SEPTIN1: variants seen among roughly 807,000 people sequenced by gnomAD.
SEPTIN1 encodes the protein septin 1.
A neutral mutation model predicts 50.7 loss-of-function variants in SEPTIN1; 52 were observed. The observed-to-expected ratio is 1.03, with a 90% confidence interval of 0.82 to 1.29. SEPTIN1 has a LOEUF of 1.29. SEPTIN1 is among the 50% of genes most tolerant of loss of function. The pLI is 0.00. For synonymous variants in SEPTIN1, 204 were observed against 189.1 expected, an observed-to-expected ratio of 1.08 and a Z score of -0.65; for missense variants, 455 against 490.7, an observed-to-expected ratio of 0.93 and a Z score of 0.69.
At position 30,378,315 on chromosome 16, in the gene SEPTIN1, G is replaced by C. The variant is rs2049778349; in HGVS notation, c.*119C>G. The C allele has an allele frequency of 2.0e-6, 2 of 995,842 alleles. No homozygotes were observed. Among genetic ancestry groups the C allele is most frequent in the Non-Finnish European group, 1.4e-6 (1 of 693,150 alleles). 61.7% of individuals were successfully genotyped at this position (995,842 alleles called of 1,614,324 possible). A position where few individuals can be genotyped will look rare whatever the true frequency, so the allele number is the denominator to read the frequency against. ...CTCAGGCTGGGAGAACCTCCCCCTA[G>C]CCCGCGCGAGGGCGGCACCCGCGGA... On this transcript the variant is annotated 3_prime_UTR_variant, in exon 11 of 11. Transcript: ENST00000321367.
At chr16:30,380,759 G>A (rs1176987896) in intron 6 of SEPTIN1, 2 of 279,948 alleles carry the variant, frequency 7.1e-6, no homozygotes, top group Non-Finnish European at 1.4e-5. Context: ...CACAGAGTGA[G>A]ACTCTATCTA....
Position 30,381,431 on chromosome 16 carries a change from C to G in SEPTIN1, c.363G>C (p.Gln121His). The part of the protein sequence containing the change: ...VVKFIEEQFE[Q>H]YLRDESGLNR... ...TCAGGCCACTCTCATCCCTAAGGTA[C>G]TGCTCAAATTGCTCCTCGATGAATT... Residue 121 changes from glutamine to histidine, a missense_variant, in exon 5 of 11, where the codon CAG (glutamine) becomes CAC (histidine). Coordinates refer to ENST00000321367, the MANE Select transcript of SEPTIN1 (RefSeq NM_001365977.2). This position sits in a 1 kb window ranked among gnomAD's most constrained non-coding sequence, Gnocchi z 4.3. 1.2e-6 allele frequency: 2 copies of G among 1,614,032 alleles called. No homozygotes were observed. Among genetic ancestry groups the G allele is most frequent in the South Asian group, 1.1e-5 (1 of 91,072 alleles).
At chr16:30,378,575 G>T in intron 10 of SEPTIN1, 35 bp downstream of exon 10, 1 of 1,609,264 alleles carries the variant, frequency 6.2e-7, no homozygotes, top group Non-Finnish European at 8.5e-7. Flanking sequence ...GGGGACCTGG[G>T]GCATCGGTCG....
Position 30,382,423 on chromosome 16 carries a change from A to G in SEPTIN1, c.19-58T>C. 5.7e-6 allele frequency: 9 copies of G among 1,569,080 alleles called. No individual in the cohort carries two copies. Among genetic ancestry groups the G allele is most frequent in the Non-Finnish European group, 7.0e-6 (8 of 1,146,700 alleles). On this transcript the variant is annotated intron_variant, in intron 1 of 10. Transcript: ENST00000321367. The surrounding 1 kb of genome is among the most constrained non-coding windows in gnomAD (Gnocchi z 4.8). ...GGCAATGGCAGGCAGGGTCCCCAGG[A>G]TCACTTGAGTTCCTGGGCTAGGAAG...
rs1275377387 is a variant in SEPTIN1 at position 30,382,311 on chromosome 16, C to T, written c.73G>A (p.Val25Ile). 6.2e-7 allele frequency: 1 copy of T among 1,613,860 alleles called. No individual in the cohort carries two copies. The highest frequency in any genetic ancestry group is 1.7e-5 in the Admixed American group (1 of 59,992). Residue 25 changes from valine to isoleucine, a missense_variant, in exon 2 of 11, where the codon GTC (valine) becomes ATC (isoleucine). Coordinates refer to ENST00000321367, the MANE Select transcript of SEPTIN1 (RefSeq NM_001365977.2). The surrounding 1 kb of genome is among the most constrained non-coding windows in gnomAD (Gnocchi z 4.8). The stretch of plus-strand genomic sequence containing the variant: ...AGCGTGAAGTCAAACCCCTTCTTGA[C>T]AGACTTGCGGTGCAGCTGGTTGGGG... ...ALPNQLHRKS[V>I]KKGFDFTLMV... is the part of the protein sequence containing the mutation.
intron 8 of SEPTIN1, 54 bp downstream of exon 8, chr16:30,379,381 C>T: frequency 6.5e-7 from 1 of 1,527,896 alleles, no homozygotes; most frequent in Non-Finnish European, 9.1e-7. Flanking sequence ...TGCGCCTGAC[C>T]CAGAGGCCCC....
rs774584805 is a variant in SEPTIN1 at position 30,379,993 on chromosome 16, T to A, written c.614A>T (p.Gln205Leu). 1 of 1,612,188 alleles carries A rather than the reference T, an allele frequency of 6.2e-7. No individual in the cohort carries two copies. ...TTCATCAGAGTCACATTCGGGGAAC[T>A]GGTAGATGTGGATCTCCTCTTCCTT... The part of the protein sequence containing the change: ...QLKEEEIHIY[Q>L]FPECDSDEDE... Residue 205 changes from glutamine (Q) to leucine (L), a missense_variant, in exon 7 of 11, where the codon CAG becomes CTG. By Grantham distance (113) the Gln-to-Leu change is moderately radical. Coordinates refer to ENST00000321367, the MANE Select transcript of SEPTIN1 (RefSeq NM_001365977.2).
chr16:30,380,111 C>A, intron 6 of SEPTIN1, 78 bp from the exon 7 acceptor site: 1 of 1,196,246 alleles, frequency 8.4e-7, no homozygotes, highest in Non-Finnish European at 1.2e-6. Flanking sequence ...CAGTGAGACA[C>A]AGAGATACTG....
At position 30,381,538 on chromosome 16, in the gene SEPTIN1, C is replaced by G; in HGVS notation, c.321-65G>C. ...CCAGAGGGCAGGGGGCAAGGCTAGCCAGGACTGTGGGAGTAGAATGTCATT... is the reference window on the plus strand; with the variant it reads ...CCAGAGGGCAGGGGGCAAGGCTAGCGAGGACTGTGGGAGTAGAATGTCATT... On this transcript the variant is annotated intron_variant, in intron 4 of 10. Coordinates refer to ENST00000321367, the MANE Select transcript of SEPTIN1 (RefSeq NM_001365977.2). The surrounding 1 kb of genome is among the most constrained non-coding windows in gnomAD (Gnocchi z 4.3). 6.3e-7 allele frequency: 1 copy of G among 1,589,102 alleles called. No individual in the cohort carries two copies. Among genetic ancestry groups the G allele is most frequent in the Non-Finnish European group, 8.6e-7 (1 of 1,159,656 alleles).
Position 30,382,046 on chromosome 16 carries a change from A to G in SEPTIN1, c.196+47T>C. ...CCCAGATGGAAAAGACTAGGGTGTA[A>G]CCTGGGGACAGGGGCTACTGCCTCA... On this transcript the variant is annotated intron_variant, in intron 3 of 10. Coordinates refer to ENST00000321367, the MANE Select transcript of SEPTIN1 (RefSeq NM_001365977.2). The surrounding 1 kb of genome is among the most constrained non-coding windows in gnomAD (Gnocchi z 4.8). 1 of 1,586,878 alleles carries G rather than the reference A, an allele frequency of 6.3e-7. No individual in the cohort carries two copies. The highest frequency in any genetic ancestry group is 8.6e-7 in the Non-Finnish European group (1 of 1,164,336).
In SEPTIN1 at chr16:30,381,712, G is replaced by A. The variant is rs1367537670; in HGVS notation, c.320+48C>T. The A allele has an allele frequency of 1.2e-6, 2 of 1,607,114 alleles. No individual in the cohort carries two copies. Among genetic ancestry groups the A allele is most frequent in the East Asian group, 2.2e-5 (1 of 44,838 alleles). ...AACCAGTCCTGTAACTCTCCAGGGA[G>A]TCGCCACTGTGAAAGGCTGAGCCTC... On this transcript the variant is annotated intron_variant, in intron 4 of 10. Transcript: ENST00000321367. The surrounding 1 kb of genome is among the most constrained non-coding windows in gnomAD (Gnocchi z 4.3).
intron 9 of SEPTIN1, 37 bp from the exon 10 acceptor site, chr16:30,378,737 G>A: frequency 6.3e-7 from 1 of 1,585,652 alleles, no homozygotes; most frequent in Non-Finnish European, 8.6e-7. Context: ...AATCAGGAGC[G>A]GGACCTGAGG....
rs2049799850 is a variant in SEPTIN1, at chr16:30,379,057, C to A, written c.902G>T (p.Ser301Ile). 14 of 1,613,948 alleles carry A rather than the reference C, an allele frequency of 8.7e-6. No homozygotes were observed. The highest frequency in any genetic ancestry group is 1.1e-5 in the Non-Finnish European group (13 of 1,179,974). ...ATCGCGAGCCCCAGGCCGGGCCAGGCTCTGTAGGCAGCGGGCCCGGTAGCC... is the reference window on the plus strand; with the variant it reads ...ATCGCGAGCCCCAGGCCGGGCCAGGATCTGTAGGCAGCGGGCCCGGTAGCC... Reference protein sequence around the residue: ...YEGYRARCLQSLARPGARDRA... With the variant: ...YEGYRARCLQILARPGARDRA... The change falls in exon 9 of 11, where the codon AGC becomes ATC. Residue 301 changes from serine to isoleucine, a missense_variant. Transcript: ENST00000321367.
At chr16:30,378,787 T>TG in intron 9 of SEPTIN1, 87 bp from the exon 10 acceptor site, 1 of 1,293,730 alleles carries the variant, frequency 7.7e-7, no homozygotes, top group Non-Finnish European at 1.1e-6. Flanking sequence ...GGGGCGAGGT[T>TG]GGGGTCTAGG....
At chr16:30,380,795 G>A in intron 6 of SEPTIN1, 1 of 332,788 alleles carries the variant, frequency 3.0e-6, no homozygotes, top group Non-Finnish European at 5.7e-6. Flanking sequence ...AGAAAGAGAG[G>A]CCGAGAGAGA....
chr16:30,379,737 G>A (rs2049816542), intron 7 of SEPTIN1, 195 bp downstream of exon 7: 5 of 560,836 alleles, frequency 8.9e-6, no homozygotes, highest in Admixed American at 3.5e-5. Flanking sequence ...CTCCCGAGTA[G>A]CTGGAATTAC....
chr16:30,378,946 C>G (rs1341459362), intron 9 of SEPTIN1, 72 bp downstream of exon 9: 1 of 1,481,716 alleles, frequency 6.7e-7, no homozygotes, highest in Non-Finnish European at 9.2e-7. Flanking sequence ...GTGGTGGGGA[C>G]GAGTCCTCAG....
At chr16:30,379,841 A>G in intron 7 of SEPTIN1, 91 bp downstream of exon 7, 2 of 742,976 alleles carry the variant, frequency 2.7e-6, no homozygotes, top group Non-Finnish European at 4.6e-6. Flanking sequence ...TCCTGACCTC[A>G]GGGGATCCTC....
chr16:30,382,189 G>C lies in SEPTIN1; in HGVS notation c.110-10C>G, dbSNP rs779405190. The C allele has an allele frequency of 1.2e-6, 2 of 1,612,236 alleles. No individual in the cohort carries two copies. Among genetic ancestry groups the C allele is most frequent in the Non-Finnish European group, 1.7e-6 (2 of 1,179,080 alleles). On this transcript the variant is annotated splice_polypyrimidine_tract_variant and intron_variant, in intron 2 of 10. Coordinates refer to ENST00000321367, the MANE Select transcript of SEPTIN1 (RefSeq NM_001365977.2). The surrounding 1 kb of genome is among the most constrained non-coding windows in gnomAD (Gnocchi z 4.8). ...CCTAGGCCTGACTCCCCTGTGGACA[G>C]AACAGGCCCAACTGGTCAGGGGAGG...
Sources: allele counts gnomAD v4.1 joint callset, GRCh38; gene constraint gnomAD v4.1.1; non-coding constraint Gnocchi (gnomAD v3.1); transcripts MANE v1.5; gene names NCBI Gene and HGNC (gene_info 2026-07-23, HGNC 2026-07-21).